UST: variants seen among roughly 807,000 people sequenced by gnomAD.
The protein encoded by UST is chondroitin sulfate 2-O-sulfotransferase.
Under a neutral mutation model 45.6 loss-of-function variants are expected in UST, and 21 were observed. The observed-to-expected ratio is 0.46, with a 90% CI of 0.33 to 0.66. The LOEUF (loss-of-function observed/expected upper bound fraction) is 0.66. Among genes scored for constraint, UST ranks in the 30% least tolerant of loss-of-function variants. The pLI is 0.02. For synonymous variants in UST, 215 were observed against 200.6 expected, an observed-to-expected ratio of 1.07 and a Z score of -0.61; for missense variants, 463 against 512.4, an observed-to-expected ratio of 0.90 and a Z score of 0.93.
chr6:148,971,350 G>A (rs549593522), intron 5 of UST, among the ~76,000 whole-genome samples: 5 of 152,304 alleles, frequency 3.3e-5, no homozygotes, highest in Admixed American at 6.5e-5. Context: ...GAAATAAAAT[G>A]TTGAGCTAAA....
chr6:148,828,860 C>T (rs2114755410), intron 1 of UST, among the ~76,000 whole-genome samples: 1 of 152,284 alleles, frequency 6.6e-6, no homozygotes, highest in South Asian at 2.1e-4. Flanking sequence ...GTTACAGTAA[C>T]ATTTTATAAC....
At chr6:148,759,757 A>G (rs1330071785) in intron 1 of UST, among the ~76,000 whole-genome samples, 2 of 146,178 alleles carry the variant, frequency 1.4e-5, no homozygotes, top group Non-Finnish European at 3.0e-5. Flanking sequence ...CTGAGGCAGG[A>G]GAATGGTGTG....
At chr6:149,019,771 G>A (rs1358799541) in intron 6 of UST, among the ~76,000 whole-genome samples, 1 of 152,146 alleles carries the variant, frequency 6.6e-6, no homozygotes, top group African/African-American at 2.4e-5. Flanking sequence ...TTACTTGAAG[G>A]CACAACCTTC....
At position 148,790,782 on chromosome 6, in the gene UST, G is replaced by A. The variant is rs1409537551; in HGVS notation, c.247+43105G>A. Among the ~76,000 whole-genome samples the A allele has an allele frequency of 1.3e-5, 2 of 152,178 alleles. No homozygotes were observed. The highest frequency in any genetic ancestry group is 2.1e-4 in the South Asian group (1 of 4,828). On this transcript the variant is annotated intron_variant, in intron 1 of 7. Transcript: ENST00000367463. The surrounding 1 kb of genome is among the most constrained non-coding windows in gnomAD (Gnocchi z 4.2). Reference sequence around the variant, plus strand: ...GGATACAAAGGTCTGATCCCCTTGCGTCAATCTGGGACAACTCTGATGGGC... The same window carrying A: ...GGATACAAAGGTCTGATCCCCTTGCATCAATCTGGGACAACTCTGATGGGC...
At chr6:149,017,799 TACACACACAC>T (rs10533222) in intron 5 of UST, among the ~76,000 whole-genome samples, 2,224 of 148,866 alleles carry the variant, frequency 0.015, 26 homozygotes, top group Middle Eastern at 0.027. Flanking sequence ...TATCCATATA[TACACACACAC>T]ACACACACAC....
In UST at chr6:148,753,382, T is replaced by A. The variant is rs565294808; in HGVS notation, c.247+5705T>A. 2.0e-5 allele frequency among the ~76,000 whole-genome samples: 3 copies of A among 152,052 alleles called. 1 individual carries two copies. The South Asian group carries it at 6.2e-4, about 31-fold the overall frequency. On this transcript the variant is annotated intron_variant, in intron 1 of 7. Coordinates refer to ENST00000367463, the MANE Select transcript of UST (RefSeq NM_005715.3). ...GGCATTTTATAGAAATAGAATAATATAATATGTGGTCTTTTGTGATTGGCT... is the reference window on the plus strand; with the variant it reads ...GGCATTTTATAGAAATAGAATAATAAAATATGTGGTCTTTTGTGATTGGCT...
At chr6:148,756,973 C>T (rs911793701) in intron 1 of UST, among the ~76,000 whole-genome samples, 3 of 152,218 alleles carry the variant, frequency 2.0e-5, no homozygotes, top group African/African-American at 7.2e-5. Context: ...AGCTGATGCT[C>T]CAAGCAAATA....
At chr6:148,925,238 G>A (rs1035545035) in intron 2 of UST, among the ~76,000 whole-genome samples, 5 of 152,200 alleles carry the variant, frequency 3.3e-5, no homozygotes, top group Non-Finnish European at 2.9e-5. Context: ...ACCGATTAAA[G>A]CATATAAGAT....
chr6:148,860,569 G>T (rs1778291869), intron 1 of UST, among the ~76,000 whole-genome samples: 1 of 152,140 alleles, frequency 6.6e-6, no homozygotes, highest in Non-Finnish European at 1.5e-5. Flanking sequence ...TCCCTGTCTT[G>T]TGCCAGTTTT....
intron 1 of UST, among the ~76,000 whole-genome samples, chr6:148,816,104 G>A (rs1777348916): frequency 6.6e-6 from 1 of 152,194 alleles, no homozygotes; most frequent in Non-Finnish European, 1.5e-5. Flanking sequence ...TGGGCCAGCT[G>A]GGGTGTAGAT....
chr6:148,757,090 T>A (rs893979232), intron 1 of UST, among the ~76,000 whole-genome samples: 2 of 152,224 alleles, frequency 1.3e-5, no homozygotes, highest in Admixed American at 6.5e-5. Flanking sequence ...CTCAACCTCC[T>A]GGGCTCAAGC....
chr6:148,878,774 A>T (rs1778770871), intron 1 of UST, among the ~76,000 whole-genome samples: 1 of 151,058 alleles, frequency 6.6e-6, no homozygotes, highest in African/African-American at 2.4e-5. Context: ...GGGGTCAGGT[A>T]TGAGTGTGGG....
intron 7 of UST, among the ~76,000 whole-genome samples, chr6:149,039,321 G>A (rs1776278538): frequency 6.6e-6 from 1 of 152,144 alleles, no homozygotes; most frequent in Non-Finnish European, 1.5e-5. Context: ...TCGCCTCTCA[G>A]GTTCAAGAGA....
At chr6:148,749,383 C>A (rs1318658495) in intron 1 of UST, among the ~76,000 whole-genome samples, 1 of 152,146 alleles carries the variant, frequency 6.6e-6, no homozygotes, top group Admixed American at 6.5e-5. Context: ...ACAGTGAATT[C>A]TTGTGGAAGT....
intron 1 of UST, among the ~76,000 whole-genome samples, chr6:148,849,746 A>G (rs1037627076): frequency 7.2e-5 from 11 of 152,102 alleles, no homozygotes; most frequent in Non-Finnish European, 2.9e-5. Context: ...CATGGGGGAA[A>G]CTGCCCCCAT....
intron 1 of UST, among the ~76,000 whole-genome samples, chr6:148,873,038 C>A (rs1226855527): frequency 1.3e-5 from 2 of 152,144 alleles, no homozygotes; most frequent in Non-Finnish European, 2.9e-5. Flanking sequence ...CTTATCGCAA[C>A]CACCCTTCAA....
chr6:148,954,333 T>C (rs925839179), intron 4 of UST, among the ~76,000 whole-genome samples: 1 of 152,234 alleles, frequency 6.6e-6, no homozygotes, highest in Non-Finnish European at 1.5e-5. Flanking sequence ...AATTTAGTGC[T>C]AGAGTAATGA....
At chr6:149,006,370 T>C (rs1184779374) in intron 5 of UST, among the ~76,000 whole-genome samples, 1 of 152,164 alleles carries the variant, frequency 6.6e-6, no homozygotes, top group African/African-American at 2.4e-5. Flanking sequence ...ATTTGTTAGT[T>C]TGCTGTTAGG....
intron 1 of UST, among the ~76,000 whole-genome samples, chr6:148,843,794 A>T (rs1777930879): frequency 6.6e-6 from 1 of 152,180 alleles, no homozygotes. Flanking sequence ...GCTGAAGTTA[A>T]CCACACTTCC....
Sources: gnomAD v4.1 joint callset for allele counts (sites outside exome capture counted in the v4.1 genomes callset) on GRCh38, gnomAD v4.1.1 for gene constraint, Gnocchi (gnomAD v3.1) non-coding constraint, MANE v1.5 for transcripts, NCBI Gene and HGNC (gene_info 2026-07-23, HGNC 2026-07-21) for gene names.